The following TMEM232 variants were observed in gnomAD, a reference collection of about 807,000 sequenced individuals.
TMEM232 encodes transmembrane protein 232.
TMEM232 carries 80 observed loss-of-function variants against 78.8 expected under a neutral mutation model. That is an observed-to-expected ratio of 1.01 (90% confidence interval 0.85 to 1.22). The LOEUF (loss-of-function observed/expected upper bound fraction) is 1.22. TMEM232 is among the 50% of genes most tolerant of loss of function. The probability of loss-of-function intolerance (pLI) is 0.00; values close to 1 mark genes in which losing one functional copy is unlikely to be tolerated. For missense variants in TMEM232, 881 were observed against 742.2 expected, an observed-to-expected ratio of 1.19 and a Z score of -2.17; for synonymous variants, 297 against 254.3, an observed-to-expected ratio of 1.17 and a Z score of -1.60.
chr5:110,399,182 A>T (rs1755500563), intron 2 of TMEM232, among the ~76,000 whole-genome samples: 2 of 152,148 alleles, frequency 1.3e-5, no homozygotes, highest in African/African-American at 4.8e-5. Flanking sequence ...AACTATAAGA[A>T]GTAAACTTTT....
At chr5:110,532,175 C>T (rs914504208) in intron 11 of TMEM232, among the ~76,000 whole-genome samples, 6 of 152,072 alleles carry the variant, frequency 3.9e-5, no homozygotes, top group East Asian at 1.9e-4. Context: ...CCTCCTAAGC[C>T]GTATCCCATT....
chr5:110,622,804 G>T (rs1463176378), intron 7 of TMEM232, among the ~76,000 whole-genome samples: 1 of 149,288 alleles, frequency 6.7e-6, no homozygotes, highest in Admixed American at 6.7e-5. Flanking sequence ...AGAACACATG[G>T]ACACAGGAAG....
At chr5:110,475,354 A>G (rs1763129329) in intron 12 of TMEM232, among the ~76,000 whole-genome samples, 1 of 151,810 alleles carries the variant, frequency 6.6e-6, no homozygotes, top group Non-Finnish European at 1.5e-5. Context: ...GGAACACCAT[A>G]TATAAAATTT....
rs559030823 is a variant in TMEM232 at position 110,447,923 on chromosome 5, A to C, written c.1704-23007T>G. On this transcript the variant is annotated intron_variant, in intron 12 of 13. Coordinates refer to ENST00000455884, the MANE Select transcript of TMEM232 (RefSeq NM_001039763.4). ...AAATTGAATAAAAAGATGTTATTAA[A>C]TCCAGTAATTATGAATTTAAAACCC... Among the ~76,000 whole-genome samples the C allele has an allele frequency of 3.8e-4, 58 of 152,238 alleles. 1 individual carries two copies. The highest frequency in any genetic ancestry group is 1.4e-3 in the African/African-American group (58 of 41,578).
chr5:110,620,975 G>C (rs544699267), intron 7 of TMEM232, among the ~76,000 whole-genome samples: 1 of 142,476 alleles, frequency 7.0e-6, no homozygotes, highest in Non-Finnish European at 1.5e-5. Context: ...CAATTCTCCT[G>C]TCTCAGCCTG....
chr5:110,474,429 A>G (rs931845447), intron 12 of TMEM232, among the ~76,000 whole-genome samples: 6 of 151,504 alleles, frequency 4.0e-5, no homozygotes, highest in Non-Finnish European at 7.4e-5. Context: ...TATTCTTGGG[A>G]AAAAAAACCT....
intron 12 of TMEM232, among the ~76,000 whole-genome samples, chr5:110,505,184 C>T (rs1766725941): frequency 2.0e-5 from 3 of 152,286 alleles, no homozygotes; most frequent in South Asian, 4.1e-4. Flanking sequence ...GTCAGTTAAA[C>T]TTGTGAAATC....
chr5:110,418,516 T>C (rs1756356798), downstream of TMEM232, among the ~76,000 whole-genome samples: 1 of 152,042 alleles, frequency 6.6e-6, no homozygotes, highest in African/African-American at 2.4e-5. Flanking sequence ...GTATTCTGAT[T>C]AATCATCTCT....
chr5:110,720,076 G>A (rs1166301506), intron 1 of TMEM232, among the ~76,000 whole-genome samples: 1 of 152,064 alleles, frequency 6.6e-6, no homozygotes, highest in African/African-American at 2.4e-5. Context: ...CATTAGGCTT[G>A]AACCTTATGT....
intron 5 of TMEM232, chr5:110,387,499 T>C (rs564170058): frequency 2.6e-5 from 4 of 152,232 alleles, no homozygotes; most frequent in East Asian, 3.8e-4. Context: ...GACTTCACTG[T>C]AGGCTTCTGA....
chr5:110,479,229 T>C (rs1419973573), intron 12 of TMEM232, among the ~76,000 whole-genome samples: 2 of 151,818 alleles, frequency 1.3e-5, no homozygotes, highest in South Asian at 2.1e-4. Flanking sequence ...TACATGTAGA[T>C]AGAACATATA....
intron 2 of TMEM232, among the ~76,000 whole-genome samples, chr5:110,663,768 T>C (rs1252484205): frequency 6.6e-6 from 1 of 151,168 alleles, no homozygotes; most frequent in Non-Finnish European, 1.5e-5. Context: ...TGTGTGTGTG[T>C]GTGTGTATAT....
At chr5:110,541,202 C>A (rs192250632) in intron 11 of TMEM232, among the ~76,000 whole-genome samples, 1 of 152,232 alleles carries the variant, frequency 6.6e-6, no homozygotes, top group East Asian at 1.9e-4. Flanking sequence ...CTTCACTGGG[C>A]CTAACTTAGC....
intron 12 of TMEM232, among the ~76,000 whole-genome samples, chr5:110,439,792 C>T (rs898127147): frequency 1.3e-5 from 2 of 152,038 alleles, no homozygotes; most frequent in African/African-American, 4.8e-5. Flanking sequence ...GAAGCAATTC[C>T]TGCCCCATTC....
intron 1 of TMEM232, among the ~76,000 whole-genome samples, chr5:110,696,042 C>T (rs1463249061): frequency 6.6e-6 from 1 of 152,196 alleles, no homozygotes; most frequent in East Asian, 1.9e-4. Context: ...AACATTGATG[C>T]AAAAATCCTC....
chr5:110,722,953 A>G (rs1297968065), intron 1 of TMEM232, among the ~76,000 whole-genome samples: 1 of 152,090 alleles, frequency 6.6e-6, no homozygotes, highest in African/African-American at 2.4e-5. Context: ...CATGAGAGAG[A>G]CTGGTCTGTA....
intron 4 of TMEM232, among the ~76,000 whole-genome samples, chr5:110,389,397 A>G (rs1755098078): frequency 1.3e-5 from 2 of 152,234 alleles, no homozygotes; most frequent in Admixed American, 1.3e-4. Context: ...TTGGGGTTGC[A>G]TACTTTTCCT....
At chr5:110,429,827 C>T (rs982084293) in intron 12 of TMEM232, 1 of 151,674 alleles carries the variant, frequency 6.6e-6, no homozygotes, top group African/African-American at 2.4e-5. Flanking sequence ...GATTAATGAC[C>T]TCTCACTGAT....
chr5:110,533,190 G>C (rs967724342), intron 11 of TMEM232, among the ~76,000 whole-genome samples: 2 of 152,106 alleles, frequency 1.3e-5, no homozygotes, highest in Non-Finnish European at 2.9e-5. Context: ...AGATTACCTA[G>C]GCTGTACTGC....
Sources: allele counts gnomAD v4.1 joint callset (sites outside exome capture counted in the v4.1 genomes callset), GRCh38; gene constraint gnomAD v4.1.1; transcripts MANE v1.5; gene names NCBI Gene and HGNC (gene_info 2026-07-23, HGNC 2026-07-21).